The following SMARCC1 variants were observed in gnomAD, a reference collection of about 807,000 sequenced individuals.
SMARCC1 encodes SWI/SNF related BAF chromatin remodeling complex subunit C1.
In SMARCC1, 43 loss-of-function variants were observed where a neutral mutation model predicts 147.4. That is an observed-to-expected ratio of 0.29 (90% CI 0.23 to 0.38). SMARCC1 has a LOEUF of 0.38. Ranked by LOEUF, SMARCC1 falls within the 10% of genes least tolerant of loss-of-function variation. SMARCC1 has a pLI of 1.00. For missense variants in SMARCC1, 1,119 were observed against 1,381.1 expected, an observed-to-expected ratio of 0.81 and a Z score of 3.01; for synonymous variants, 495 against 484.4, an observed-to-expected ratio of 1.02 and a Z score of -0.29.
chr3:47,607,665 T>C (rs182709316), intron 26 of SMARCC1, among the ~76,000 whole-genome samples: 1 of 152,308 alleles, frequency 6.6e-6, no homozygotes, highest in Admixed American at 6.5e-5. Flanking sequence ...GAAGGAACTA[T>C]GAGTTCAACT....
At chr3:47,768,926 C>G (rs1243082789) in intron 2 of SMARCC1, among the ~76,000 whole-genome samples, 5 of 152,048 alleles carry the variant, frequency 3.3e-5, no homozygotes, top group African/African-American at 1.2e-4. Context: ...CATCAGGCAG[C>G]TAGCTGGGAG....
At chr3:47,608,960 T>C (rs1212216830) in intron 26 of SMARCC1, among the ~76,000 whole-genome samples, 1 of 150,534 alleles carries the variant, frequency 6.6e-6, no homozygotes, top group Non-Finnish European at 1.5e-5. Flanking sequence ...GACATGACAC[T>C]ATGCACCTCT....
At chr3:47,747,487 A>AAAC in intron 2 of SMARCC1, among the ~76,000 whole-genome samples, 2 of 149,720 alleles carry the variant, frequency 1.3e-5, no homozygotes, top group African/African-American at 4.9e-5. Flanking sequence ...AAATATAAAA[A>AAAC]TTAGCCAGGC....
chr3:47,620,880 A>G (rs1046068421), intron 25 of SMARCC1, among the ~76,000 whole-genome samples: 4 of 152,256 alleles, frequency 2.6e-5, no homozygotes, highest in African/African-American at 7.2e-5. Context: ...GAACACTTAT[A>G]TAACTGCTGA....
At chr3:47,747,228 G>A (rs1406922620) in intron 2 of SMARCC1, among the ~76,000 whole-genome samples, 4 of 151,756 alleles carry the variant, frequency 2.6e-5, no homozygotes, top group African/African-American at 7.3e-5. Context: ...GAGCACAGGA[G>A]TTCAAGACCA....
At chr3:47,651,085 G>GAGACTC (rs2033183895) in intron 21 of SMARCC1, among the ~76,000 whole-genome samples, 4 of 152,152 alleles carry the variant, frequency 2.6e-5, no homozygotes, top group African/African-American at 9.7e-5. Context: ...CAGGCAGATT[G>GAGACTC]CTGGAGTCCA....
intron 1 of SMARCC1, among the ~76,000 whole-genome samples, chr3:47,780,594 T>G (rs187570852): frequency 1.3e-5 from 2 of 152,186 alleles, no homozygotes; most frequent in Non-Finnish European, 2.9e-5. Flanking sequence ...TTTTCATTCA[T>G]TCAACAAATA....
At chr3:47,697,834 C>T (rs1313645676) in intron 11 of SMARCC1, among the ~76,000 whole-genome samples, 5 of 150,334 alleles carry the variant, frequency 3.3e-5, no homozygotes, top group East Asian at 2.0e-4. Flanking sequence ...GGTGAAACCC[C>T]GTCTCTACTA....
chr3:47,639,764 A>G (rs1351260095), intron 21 of SMARCC1, among the ~76,000 whole-genome samples: 1 of 148,900 alleles, frequency 6.7e-6, no homozygotes, highest in African/African-American at 2.4e-5. Flanking sequence ...CCAACCGTAT[A>G]AGCAAAAACT....
At chr3:47,681,532 G>A (rs948459461) in intron 14 of SMARCC1, among the ~76,000 whole-genome samples, 21 of 152,140 alleles carry the variant, frequency 1.4e-4, no homozygotes, top group Admixed American at 1.2e-3. Flanking sequence ...AGTTTCTGCT[G>A]CTAATATAAG....
chr3:47,598,311 A>G (rs2032325041), intron 26 of SMARCC1, among the ~76,000 whole-genome samples: 1 of 152,178 alleles, frequency 6.6e-6, no homozygotes, highest in South Asian at 2.1e-4. Flanking sequence ...TAGCCTGCAG[A>G]CGAAAGAACA....
intron 5 of SMARCC1, among the ~76,000 whole-genome samples, chr3:47,730,957 G>A (rs190779468): frequency 2.0e-5 from 3 of 152,176 alleles, no homozygotes; most frequent in East Asian, 3.9e-4. Context: ...GATGCTGGCA[G>A]CTGACTGATC....
chr3:47,763,596 G>C (rs1323940131), intron 2 of SMARCC1, among the ~76,000 whole-genome samples: 6 of 151,390 alleles, frequency 4.0e-5, no homozygotes, highest in Admixed American at 2.0e-4. Context: ...GCCTCCCAAA[G>C]TGTTGGGATT....
intron 21 of SMARCC1, among the ~76,000 whole-genome samples, chr3:47,660,290 C>T (rs1238301033): frequency 6.6e-6 from 1 of 151,310 alleles, no homozygotes; most frequent in African/African-American, 2.4e-5. Flanking sequence ...ACTAAAAATA[C>T]AAAAAATTAG....
At chr3:47,711,470 C>T (rs913324258) in intron 8 of SMARCC1, among the ~76,000 whole-genome samples, 1 of 152,096 alleles carries the variant, frequency 6.6e-6, no homozygotes, top group African/African-American at 2.4e-5. Flanking sequence ...AATGGGGGCA[C>T]AACTGGAATT....
At chr3:47,705,380 C>T (rs1164869502) in intron 10 of SMARCC1, among the ~76,000 whole-genome samples, 2 of 147,408 alleles carry the variant, frequency 1.4e-5, no homozygotes, top group African/African-American at 2.5e-5. Context: ...AAACAGCTAA[C>T]GAAAAATCTA....
At chr3:47,777,830 A>G (rs542300483) in intron 1 of SMARCC1, among the ~76,000 whole-genome samples, 1 of 152,036 alleles carries the variant, frequency 6.6e-6, no homozygotes, top group East Asian at 1.9e-4. Flanking sequence ...CCCCAGTCTC[A>G]GTCCAATTTT....
At chr3:47,622,169 A>C (rs778774219) in intron 25 of SMARCC1, 38 bp downstream of exon 25, 5 of 1,575,634 alleles carry the variant, frequency 3.2e-6, no homozygotes, top group Non-Finnish European at 3.5e-6. Flanking sequence ...ACCAAGGTTT[A>C]ATTGTGAAAA....
At chr3:47,601,233 A>C (rs1371178069) in intron 26 of SMARCC1, among the ~76,000 whole-genome samples, 1 of 151,564 alleles carries the variant, frequency 6.6e-6, no homozygotes, top group Non-Finnish European at 1.5e-5. Context: ...TCTCAGGTTT[A>C]TTGTATCTTT....
Sources: gnomAD v4.1 joint callset for allele counts (sites outside exome capture counted in the v4.1 genomes callset) on GRCh38, gnomAD v4.1.1 for gene constraint, MANE v1.5 for transcripts, NCBI Gene and HGNC (gene_info 2026-07-23, HGNC 2026-07-21) for gene names.